HINT3: variants seen among roughly 807,000 people sequenced by gnomAD.
HINT3 encodes histidine triad nucleotide binding protein 3.
A neutral mutation model predicts 19.1 loss-of-function variants in HINT3; 16 were observed. The observed-to-expected ratio is 0.84, with a 90% CI of 0.57 to 1.27. The LOEUF (loss-of-function observed/expected upper bound fraction) is 1.27, where lower values mean the gene tolerates loss of function less well. Ranked by LOEUF, HINT3 falls within the 50% of genes most tolerant of loss-of-function variation. The pLI is 0.00. For missense variants in HINT3, 197 were observed against 225.8 expected, an observed-to-expected ratio of 0.87 and a Z score of 0.82; for synonymous variants, 75 against 84.8, an observed-to-expected ratio of 0.88 and a Z score of 0.63.
At chr6:125,962,233 T>TACACATATATATATATATATAC (rs1562212176) in intron 1 of HINT3, among the ~76,000 whole-genome samples, 9 of 20,706 alleles carry the variant, frequency 4.3e-4, no homozygotes, top group African/African-American at 6.5e-4. Context: ...TATATATATA[T>TACACATATATATATATATATAC]ACACATATAT....
At chr6:125,969,199 G>C (rs190033092) in intron 2 of HINT3, among the ~76,000 whole-genome samples, 1 of 152,084 alleles carries the variant, frequency 6.6e-6, no homozygotes, top group Non-Finnish European at 1.5e-5. Context: ...AAAGGTAGGG[G>C]TCCAGTTTTA....
At chr6:125,966,525 G>A (rs1020416787) in intron 1 of HINT3, among the ~76,000 whole-genome samples, 3 of 152,162 alleles carry the variant, frequency 2.0e-5, no homozygotes, top group African/African-American at 7.2e-5. Context: ...ATCTTGTTGT[G>A]ATTCTGTAGC....
chr6:125,968,090 G>T (rs1358568214), intron 2 of HINT3, among the ~76,000 whole-genome samples: 1 of 152,122 alleles, frequency 6.6e-6, no homozygotes, highest in Non-Finnish European at 1.5e-5. Flanking sequence ...CTGAGGTTTG[G>T]GATACAAATG....
chr6:125,968,065 G>T (rs1278531342), intron 2 of HINT3, among the ~76,000 whole-genome samples: 3 of 152,176 alleles, frequency 2.0e-5, no homozygotes, highest in South Asian at 2.1e-4. Flanking sequence ...TATTACGTGG[G>T]TATATTGTGT....
intron 1 of HINT3, among the ~76,000 whole-genome samples, chr6:125,959,148 T>C (rs549027805): frequency 1.3e-5 from 2 of 152,234 alleles, no homozygotes; most frequent in East Asian, 3.9e-4. Context: ...TTGGATAGTC[T>C]AGCACTCTGT....
intron 2 of HINT3, among the ~76,000 whole-genome samples, chr6:125,970,164 G>T (rs1028831025): frequency 6.6e-6 from 1 of 152,108 alleles, no homozygotes; most frequent in African/African-American, 2.4e-5. Context: ...ATTTAGGCTA[G>T]TGAATTAACT....
intron 2 of HINT3, among the ~76,000 whole-genome samples, chr6:125,967,390 G>T (rs914849914): frequency 6.9e-6 from 1 of 144,084 alleles, no homozygotes; most frequent in African/African-American, 2.6e-5. Flanking sequence ...GGAGTGCGGT[G>T]GTGCAATCTC....
At chr6:125,958,026 C>T (rs540052152) in intron 1 of HINT3, among the ~76,000 whole-genome samples, 1 of 152,004 alleles carries the variant, frequency 6.6e-6, no homozygotes, top group Non-Finnish European at 1.5e-5. Flanking sequence ...GAGGAGGTAG[C>T]CAGTTACAAT....
chr6:125,979,412 T>C lies in HINT3; in HGVS notation c.*1736T>C, dbSNP rs1789218980. ...CAACAACTGCAATCTTTGATTGTTT[T>C]ACTGTGGGAACTTGCAGTGATATAA... On this transcript the variant is annotated 3_prime_UTR_variant, in exon 5 of 5. Transcript: ENST00000229633. 6.6e-6 allele frequency: 1 copy of C among 152,234 alleles called. No individual in the cohort carries two copies. Among genetic ancestry groups the C allele is most frequent in the Non-Finnish European group, 1.5e-5 (1 of 68,040 alleles). 9.4% of individuals were successfully genotyped at this position (152,234 alleles called of 1,614,324 possible). A position where few individuals can be genotyped will look rare whatever the true frequency, so the allele number is the denominator to read the frequency against.
chr6:125,957,313 T>C, intron 1 of HINT3, 135 bp downstream of exon 1: 1 of 955,916 alleles, frequency 1.0e-6, no homozygotes, highest in Non-Finnish European at 1.5e-6. Context: ...AGGGCCGCTC[T>C]GTGTGGATGG....
intron 1 of HINT3, among the ~76,000 whole-genome samples, chr6:125,958,182 A>T (rs1788868773): frequency 6.6e-6 from 1 of 152,174 alleles, no homozygotes; most frequent in African/African-American, 2.4e-5. Context: ...GAGGAAATGG[A>T]GAGAATAATG....
intron 4 of HINT3, 96 bp from the exon 5 acceptor site, chr6:125,977,548 C>A: frequency 3.5e-6 from 2 of 578,446 alleles, no homozygotes; most frequent in Non-Finnish European, 6.1e-6. Context: ...TAGTACTCAA[C>A]TCTTCTAATG....
Position 125,962,034 on chromosome 6 carries a change from G to C in HINT3, c.202-4853G>C, listed in dbSNP as rs531605483. The stretch of plus-strand genomic sequence containing the variant: ...GGCAAAAGAAGGGCAGAGAGATTGT[G>C]AGAGAGATTCTTTTTCTGAGGCCTG... On this transcript the variant is annotated intron_variant, in intron 1 of 4. Coordinates refer to ENST00000229633, the MANE Select transcript of HINT3 (RefSeq NM_138571.5). 1.4e-3 allele frequency among the ~76,000 whole-genome samples: 208 copies of C among 151,602 alleles called. 1 individual carries two copies. The highest frequency in any genetic ancestry group is 4.6e-3 in the African/African-American group (189 of 41,290).
rs1443290773 is a variant in HINT3 at position 125,957,006 on chromosome 6, C to A, written c.29C>A (p.Ala10Asp). The change falls in exon 1 of 5, where the codon GCC becomes GAC. Residue 10 changes from alanine (A) to aspartate (D), a missense_variant. Physicochemically the swap from Ala to Asp is moderately radical, Grantham distance 126. Transcript: ENST00000229633. MAEEQVNRS[A>D]GLAPDCEASA... is the part of the protein sequence containing the mutation. ...GCGGAGGAACAGGTGAACCGCAGCG[C>A]CGGCCTGGCCCCCGACTGTGAGGCC... 6.4e-7 allele frequency: 1 copy of A among 1,550,430 alleles called. No individual in the cohort carries two copies. The highest frequency in any genetic ancestry group is 8.7e-7 in the Non-Finnish European group (1 of 1,146,834).
chr6:125,978,760 T>C lies in HINT3; in HGVS notation c.*1084T>C, dbSNP rs1164094132. On this transcript the variant is annotated 3_prime_UTR_variant, in exon 5 of 5. Transcript: ENST00000229633. ...GGCTGAGATACTAGTTTTCTTTCTT[T>C]TTTAGAGGGGGCATGATATTAAAGA... The C allele has an allele frequency of 6.6e-6, 1 of 152,202 alleles. No homozygotes were observed. The highest frequency in any genetic ancestry group is 1.9e-4 in the East Asian group (1 of 5,208). 9.4% of individuals were successfully genotyped at this position (152,202 alleles called of 1,614,324 possible). A position where few individuals can be genotyped will look rare whatever the true frequency, so the allele number is the denominator to read the frequency against.
chr6:125,964,350 A>G (rs1048985233), intron 1 of HINT3, among the ~76,000 whole-genome samples: 2 of 152,306 alleles, frequency 1.3e-5, no homozygotes, highest in Non-Finnish European at 2.9e-5. Context: ...AAAGCAAGGT[A>G]CATTTGGAGA....
chr6:125,972,747 C>T (rs1333465537), intron 3 of HINT3, among the ~76,000 whole-genome samples: 4 of 151,950 alleles, frequency 2.6e-5, no homozygotes, highest in Non-Finnish European at 4.4e-5. Context: ...ACTGCCACAC[C>T]CGGCTAATTT....
At chr6:125,966,122 A>T (rs1328839436) in intron 1 of HINT3, among the ~76,000 whole-genome samples, 1 of 152,242 alleles carries the variant, frequency 6.6e-6, no homozygotes, top group Non-Finnish European at 1.5e-5. Flanking sequence ...TGAATAAGAT[A>T]TTCACTATCA....
intron 2 of HINT3, among the ~76,000 whole-genome samples, chr6:125,969,990 T>C (rs2128711572): frequency 6.6e-6 from 1 of 152,294 alleles, no homozygotes; most frequent in Middle Eastern, 3.4e-3. Context: ...TCTTGCCTGA[T>C]TGCTCTGGCT....
Sources: gnomAD v4.1 joint callset for allele counts (sites outside exome capture counted in the v4.1 genomes callset) on GRCh38, gnomAD v4.1.1 for gene constraint, MANE v1.5 for transcripts, NCBI Gene and HGNC (gene_info 2026-07-23, HGNC 2026-07-21) for gene names.